The following SNX29 variants were observed in gnomAD, a reference collection of about 807,000 sequenced individuals.
SNX29 encodes sorting nexin 29, also known as sorting nexin-29.
A neutral mutation model predicts 102.1 loss-of-function variants in SNX29; 78 were observed. That is an observed-to-expected ratio of 0.76 (90% CI 0.64 to 0.92). The LOEUF is 0.92. SNX29 is among the 40% of genes least tolerant of loss of function. The pLI is 0.00. For missense variants in SNX29, 1,280 were observed against 1,061.7 expected (o/e 1.21, Z -2.86); for synonymous variants, 580 against 414.5 (o/e 1.40, Z -4.85).
intron 1 of SNX29, among the ~76,000 whole-genome samples, chr16:11,979,301 C>T (rs780282408): frequency 1.3e-5 from 1 of 77,768 alleles, no homozygotes; most frequent in Non-Finnish European, 2.8e-5. Flanking sequence ...AAAAAAAAAT[C>T]GTTACATCTA....
intron 20 of SNX29, among the ~76,000 whole-genome samples, chr16:12,560,220 C>G (rs1317923219): frequency 1.3e-5 from 2 of 149,196 alleles, no homozygotes; most frequent in African/African-American, 5.0e-5. Flanking sequence ...AACTACACAG[C>G]CAGAGCTTGC....
At chr16:12,166,078 T>A (rs1334944597) in intron 13 of SNX29, among the ~76,000 whole-genome samples, 2 of 152,388 alleles carry the variant, frequency 1.3e-5, no homozygotes, top group South Asian at 4.1e-4. Flanking sequence ...GTAGTAGTAT[T>A]AACAGTAGTA....
intron 13 of SNX29, among the ~76,000 whole-genome samples, chr16:12,143,379 G>A (rs552837503): frequency 2.5e-4 from 38 of 151,972 alleles, no homozygotes; most frequent in East Asian, 1.2e-3. Flanking sequence ...AGGAAGTGTC[G>A]TATGGGGCAG....
At chr16:12,046,328 A>G (rs2050089254) in intron 5 of SNX29, 56 bp from the exon 6 acceptor site, 3 of 1,576,298 alleles carry the variant, frequency 1.9e-6, no homozygotes, top group Non-Finnish European at 2.6e-6. Context: ...TTTCCTGGTT[A>G]ATGGACACAG....
At chr16:12,099,938 G>A (rs1028963763) in intron 11 of SNX29, among the ~76,000 whole-genome samples, 6 of 152,140 alleles carry the variant, frequency 3.9e-5, no homozygotes, top group Non-Finnish European at 1.5e-5. Context: ...TGATCAGTGT[G>A]CAGGCACTGT....
At position 12,572,397 on chromosome 16, in the gene SNX29, G is replaced by A. The variant is rs199815175; in HGVS notation, c.*3768G>A. On this transcript the variant is annotated 3_prime_UTR_variant, in exon 21 of 21. Coordinates refer to ENST00000566228, the MANE Select transcript of SNX29 (RefSeq NM_032167.5). The stretch of plus-strand genomic sequence containing the variant: ...GAGGCGGCTTATATCCCAACAGCCT[G>A]AGGCAGGGCTCTGTGGCCCAGGCCG... The A allele has an allele frequency of 7.5e-6, 8 of 1,063,438 alleles. No individual in the cohort carries two copies. The highest frequency in any genetic ancestry group is 9.1e-6 in the Non-Finnish European group (8 of 878,096). 65.9% of individuals were successfully genotyped at this position (1,063,438 alleles called of 1,614,324 possible). A position where few individuals can be genotyped will look rare whatever the true frequency, so the allele number is the denominator to read the frequency against.
intron 4 of SNX29, among the ~76,000 whole-genome samples, chr16:12,029,219 GT>G (rs2057275607): frequency 6.6e-6 from 1 of 151,736 alleles, no homozygotes. Flanking sequence ...GTAGAAATGA[GT>G]TGTTCAATAA....
intron 1 of SNX29, among the ~76,000 whole-genome samples, chr16:11,988,588 C>G (rs556297288): frequency 6.6e-6 from 1 of 152,044 alleles, no homozygotes; most frequent in Non-Finnish European, 1.5e-5. Context: ...TTTGTAGGGA[C>G]GGGGTGTCAC....
intron 14 of SNX29, among the ~76,000 whole-genome samples, chr16:12,201,381 C>G (rs1186622159): frequency 6.6e-6 from 1 of 152,196 alleles, no homozygotes; most frequent in African/African-American, 2.4e-5. Context: ...TTGTCTAGCC[C>G]TTTACAGCCT....
chr16:12,550,695 AC>A (rs2077918981), intron 20 of SNX29, among the ~76,000 whole-genome samples: 1 of 151,980 alleles, frequency 6.6e-6, no homozygotes, highest in South Asian at 2.1e-4. Flanking sequence ...TCATGTATTC[AC>A]CCCCCTCATG....
At chr16:12,160,898 A>G (rs1290127939) in intron 13 of SNX29, among the ~76,000 whole-genome samples, 2 of 152,174 alleles carry the variant, frequency 1.3e-5, no homozygotes, top group Non-Finnish European at 2.9e-5. Flanking sequence ...GGTCTGAAAT[A>G]TTGAGATCTT....
At chr16:12,267,423 A>T (rs2078960925) in intron 14 of SNX29, among the ~76,000 whole-genome samples, 2 of 152,178 alleles carry the variant, frequency 1.3e-5, no homozygotes, top group Non-Finnish European at 2.9e-5. Flanking sequence ...CTCAGCTCTG[A>T]AATAGAGATT....
intron 15 of SNX29, among the ~76,000 whole-genome samples, chr16:12,308,869 G>C (rs890226819): frequency 1.3e-5 from 2 of 152,138 alleles, no homozygotes; most frequent in African/African-American, 4.8e-5. Context: ...TAAGCTGTCC[G>C]TTATATCGAA....
At chr16:11,991,596 G>A (rs760132237) in intron 1 of SNX29, among the ~76,000 whole-genome samples, 1 of 151,928 alleles carries the variant, frequency 6.6e-6, no homozygotes, top group Non-Finnish European at 1.5e-5. Flanking sequence ...AGGCTGGAGT[G>A]CAGCGGTGTG....
intron 15 of SNX29, among the ~76,000 whole-genome samples, chr16:12,317,224 G>A (rs2080776309): frequency 6.6e-6 from 1 of 152,202 alleles, no homozygotes; most frequent in Non-Finnish European, 1.5e-5. Flanking sequence ...ATGGGCCTGT[G>A]AAGGCTTGGC....
At chr16:12,473,202 A>T (rs939200963) in intron 18 of SNX29, among the ~76,000 whole-genome samples, 1 of 152,260 alleles carries the variant, frequency 6.6e-6, no homozygotes, top group Non-Finnish European at 1.5e-5. Flanking sequence ...TATGTAATTC[A>T]AGGACAACTT....
rs557104416 is a variant in SNX29 at position 12,562,943 on chromosome 16, G to C, written c.2319-5563G>C. ...ATGTTGCCAAAAACCTGCATAGTAA[G>C]AAGCAAACATTCACCCAACACAAGG... On this transcript the variant is annotated intron_variant, in intron 20 of 20. Coordinates refer to ENST00000566228, the MANE Select transcript of SNX29 (RefSeq NM_032167.5). 8.6e-4 allele frequency among the ~76,000 whole-genome samples: 131 copies of C among 152,202 alleles called. 2 individuals carry two copies. The South Asian group carries it at 0.025, about 29-fold the overall frequency.
At chr16:12,559,717 A>C (rs1194682920) in intron 20 of SNX29, among the ~76,000 whole-genome samples, 2 of 152,136 alleles carry the variant, frequency 1.3e-5, no homozygotes, top group Non-Finnish European at 2.9e-5. Context: ...CATGGTGAGA[A>C]CACCAAGAAA....
At chr16:12,267,828 C>T (rs2078973401) in intron 14 of SNX29, among the ~76,000 whole-genome samples, 1 of 152,112 alleles carries the variant, frequency 6.6e-6, no homozygotes, top group Non-Finnish European at 1.5e-5. Context: ...GTCCAATCAT[C>T]GCACTTCTTC....
Sources: gnomAD v4.1 joint callset for allele counts (sites outside exome capture counted in the v4.1 genomes callset) on GRCh38, gnomAD v4.1.1 for gene constraint, MANE v1.5 for transcripts, NCBI Gene and HGNC (gene_info 2026-07-23, HGNC 2026-07-21) for gene names.